The following AKT3 variants were observed in gnomAD, a reference collection of about 807,000 sequenced individuals.
AKT3 encodes RAC-gamma serine/threonine-protein kinase.
Under a neutral mutation model 65.3 loss-of-function variants are expected in AKT3, and 15 were observed. The ratio of observed to expected loss-of-function variants is 0.23; its 90% CI spans 0.15 to 0.35. The LOEUF (loss-of-function observed/expected upper bound fraction) is 0.35, where lower values mean the gene tolerates loss of function less well. Among genes scored for constraint, AKT3 ranks in the 10% least tolerant of loss-of-function variants. The pLI is 1.00. For synonymous variants in AKT3, 206 were observed against 183.8 expected (o/e 1.12, Z -0.98); for missense variants, 243 against 576.5 (o/e 0.42, Z 5.92).
chr1:243,498,874 A>G (rs1574477249), downstream of AKT3, among the ~76,000 whole-genome samples: 1 of 152,360 alleles, frequency 6.6e-6, no homozygotes, highest in East Asian at 1.9e-4. Flanking sequence ...CTGGCCCTGC[A>G]GTGCGTCCCA....
At chr1:243,686,374 G>A (rs1479992890) in intron 3 of AKT3, among the ~76,000 whole-genome samples, 1 of 151,648 alleles carries the variant, frequency 6.6e-6, no homozygotes, top group Non-Finnish European at 1.5e-5. Context: ...AAAGTCCTAG[G>A]CATGAAATGA....
At chr1:243,738,252 A>C (rs1687951912) in intron 2 of AKT3, among the ~76,000 whole-genome samples, 1 of 152,192 alleles carries the variant, frequency 6.6e-6, no homozygotes, top group Non-Finnish European at 1.5e-5. Context: ...CACTGAGCCC[A>C]GTGGCTGCCT....
intron 2 of AKT3, among the ~76,000 whole-genome samples, chr1:243,765,520 T>C (rs952154055): frequency 2.0e-5 from 3 of 152,100 alleles, no homozygotes; most frequent in Admixed American, 6.6e-5. Context: ...AATCCCTTCT[T>C]ATAGAGTTTA....
intron 2 of AKT3, among the ~76,000 whole-genome samples, chr1:243,749,374 T>C (rs1276969579): frequency 6.6e-6 from 1 of 152,138 alleles, no homozygotes; most frequent in Non-Finnish European, 1.5e-5. Flanking sequence ...ACATCTTCTT[T>C]ATCCCTCTTC....
At chr1:243,648,256 T>TAAAAA (rs751165191) in intron 4 of AKT3, among the ~76,000 whole-genome samples, 1 of 127,068 alleles carries the variant, frequency 7.9e-6, no homozygotes, top group Admixed American at 8.3e-5. Flanking sequence ...AGACTCCGTC[T>TAAAAA]AAAAAAAAAA....
intron 2 of AKT3, among the ~76,000 whole-genome samples, chr1:243,791,584 T>A (rs1024180854): frequency 4.6e-5 from 7 of 152,248 alleles, no homozygotes; most frequent in African/African-American, 1.7e-4. Context: ...TATATCACAG[T>A]ATGAGTGCAT....
At chr1:243,676,637 T>A (rs1042064679) in intron 3 of AKT3, among the ~76,000 whole-genome samples, 5 of 152,204 alleles carry the variant, frequency 3.3e-5, no homozygotes, top group Non-Finnish European at 7.3e-5. Flanking sequence ...ACTATACCAG[T>A]ACAGTTTTTC....
Position 243,501,018 on chromosome 1 carries a change from A to T in AKT3, c.*4231T>A. 8.7e-6 allele frequency: 2 copies of T among 229,394 alleles called. No homozygotes were observed. The highest frequency in any genetic ancestry group is 1.7e-5 in the Non-Finnish European group (2 of 115,772). The allele number at this position is 229,394 out of a possible 1,614,324, so 14.2% of individuals were successfully genotyped here. On this transcript the variant is annotated 3_prime_UTR_variant, in exon 14 of 14. Transcript: ENST00000673466. ...AGAATTATAGAGGTCACTTTTTTTT[A>T]GCCTCCTGGATCTGTCAACCCCAGT...
intron 3 of AKT3, among the ~76,000 whole-genome samples, chr1:243,670,259 T>G (rs531090493): frequency 1.3e-5 from 2 of 152,340 alleles, no homozygotes; most frequent in African/African-American, 2.4e-5. Context: ...CAAGTGGTAG[T>G]TGGATCACTA....
At chr1:243,537,825 A>G (rs542312384) in intron 12 of AKT3, among the ~76,000 whole-genome samples, 1 of 152,192 alleles carries the variant, frequency 6.6e-6, no homozygotes, top group South Asian at 2.1e-4. Context: ...TCCAGTCAGC[A>G]TATCTTCATT....
chr1:243,551,436 G>A (rs1673057407), intron 11 of AKT3, among the ~76,000 whole-genome samples: 1 of 152,028 alleles, frequency 6.6e-6, no homozygotes, highest in Non-Finnish European at 1.5e-5. Context: ...CTTTTATTAT[G>A]TTTGCTTATT....
intron 1 of AKT3, among the ~76,000 whole-genome samples, chr1:243,847,192 G>T (rs1192802960): frequency 6.6e-6 from 1 of 152,120 alleles, no homozygotes; most frequent in Non-Finnish European, 1.5e-5. Flanking sequence ...AAATAAAAAT[G>T]CCAGTCAGAT....
intron 2 of AKT3, among the ~76,000 whole-genome samples, chr1:243,837,162 A>G (rs1159429049): frequency 2.0e-5 from 3 of 152,168 alleles, no homozygotes; most frequent in Non-Finnish European, 4.4e-5. Flanking sequence ...CTCTACTAAA[A>G]AAATAAAAAT....
rs1669574473 is a variant in AKT3 at position 243,504,982 on chromosome 1, T to TA, written c.*266dup. 2.4e-6 allele frequency: 1 copy of TA among 414,016 alleles called. No individual in the cohort carries two copies. Among genetic ancestry groups the TA allele is most frequent in the Non-Finnish European group, 4.3e-6 (1 of 233,956 alleles). 25.6% of individuals were successfully genotyped at this position (414,016 alleles called of 1,614,324 possible). ...TTCCAAAGGTTGGAAAATTACTTCT[T>TA]AAAGTTGCTATAATAGTAAGACAGT... On this transcript the variant is annotated 3_prime_UTR_variant, in exon 14 of 14. Transcript: ENST00000673466.
At chr1:243,642,076 A>C (rs979295809) in intron 5 of AKT3, among the ~76,000 whole-genome samples, 2 of 152,256 alleles carry the variant, frequency 1.3e-5, no homozygotes, top group Non-Finnish European at 2.9e-5. Flanking sequence ...GGGAATTTAC[A>C]TGGAAATTAC....
chr1:243,751,347 G>A (rs1000721722), intron 2 of AKT3, among the ~76,000 whole-genome samples: 2 of 152,204 alleles, frequency 1.3e-5, no homozygotes, highest in African/African-American at 4.8e-5. Flanking sequence ...AAATGAAGCA[G>A]ACATTCATGC....
chr1:243,523,908 T>A (rs764776951), intron 12 of AKT3, among the ~76,000 whole-genome samples: 4 of 151,094 alleles, frequency 2.6e-5, no homozygotes, highest in Non-Finnish European at 5.9e-5. Context: ...ACTACAGTCA[T>A]GTGTCACTTA....
At chr1:243,765,321 ACCAAACTT>A (rs1689750234) in intron 2 of AKT3, among the ~76,000 whole-genome samples, 4 of 152,056 alleles carry the variant, frequency 2.6e-5, no homozygotes, top group Non-Finnish European at 1.5e-5. Flanking sequence ...CTTCCTTACC[ACCAAACTT>A]TCAAAAGGAA....
intron 9 of AKT3, among the ~76,000 whole-genome samples, chr1:243,571,395 T>C (rs2148503892): frequency 6.6e-6 from 1 of 152,284 alleles, no homozygotes; most frequent in South Asian, 2.1e-4. Context: ...ACCAAGACCA[T>C]AATCAATACT....
Sources: allele counts gnomAD v4.1 joint callset (sites outside exome capture counted in the v4.1 genomes callset), GRCh38; gene constraint gnomAD v4.1.1; transcripts MANE v1.5; gene names NCBI Gene and HGNC (gene_info 2026-07-23, HGNC 2026-07-21).